HEPH: variants seen among roughly 807,000 people sequenced by gnomAD.
The protein encoded by HEPH is hephaestin.
Under a neutral mutation model 80.8 loss-of-function variants are expected in HEPH, and 69 were observed. The observed-to-expected ratio is 0.85, with a 90% CI of 0.70 to 1.04. The LOEUF is 1.04. Among genes scored for constraint, HEPH ranks in the 50% least tolerant of loss-of-function variants. The probability of loss-of-function intolerance (pLI) is 0.00; values close to 1 mark genes in which losing one functional copy is unlikely to be tolerated. For missense variants in HEPH, 1,115 were observed against 891.3 expected (o/e 1.25, Z -3.20); for synonymous variants, 431 against 322.8 (o/e 1.34, Z -3.60).
At chrX:66,197,565 G>C in intron 9 of HEPH, 118 bp from the exon 10 acceptor site, 1 of 542,330 alleles carries the variant, frequency 1.8e-6, no homozygotes, top group Non-Finnish European at 3.1e-6. Context: ...AATATTCCAT[G>C]TTGCTGCTAC....
chrX:66,164,453 T>C lies in HEPH; in HGVS notation c.-31T>C. The C allele has an allele frequency of 1.3e-6, 1 of 752,699 alleles. No individual in the cohort carries two copies. Among genetic ancestry groups the C allele is most frequent in the Non-Finnish European group, 1.6e-6 (1 of 638,472 alleles). 62.0% of individuals were successfully genotyped at this position (752,699 alleles called of 1,213,427 possible). Reference sequence around the variant, plus strand: ...ATGGGCCGCTGACATGAATATGGAGTAGTTTTCTCTAGCAAAGGTAAGCTT... The same window carrying C: ...ATGGGCCGCTGACATGAATATGGAGCAGTTTTCTCTAGCAAAGGTAAGCTT... On this transcript the variant is annotated 5_prime_UTR_variant, in exon 1 of 21. The change abolishes the stop of an existing upstream ORF in the 5' untranslated region. Transcript: ENST00000343002.
chrX:66,214,119 T>G (rs2089282198), intron 15 of HEPH, among the ~76,000 whole-genome samples: 1 of 111,838 alleles, frequency 8.9e-6, no homozygotes, highest in Non-Finnish European at 1.9e-5. Context: ...CTAGCTATCT[T>G]AATTTAATGA....
In HEPH at chrX:66,198,875, C is replaced by A. The variant is rs775842927; in HGVS notation, c.1714-3C>A. On this transcript the variant is annotated splice_polypyrimidine_tract_variant and splice_region_variant and intron_variant, in intron 10 of 20. Coordinates refer to ENST00000343002, the MANE Select transcript of HEPH (RefSeq NM_001367233.3). ...CCTCTACTTTCTTCTATTGGGCCTGCAGAAAGGGGTGGATAAAGAATTCTT... is the reference window on the plus strand; with the variant it reads ...CCTCTACTTTCTTCTATTGGGCCTGAAGAAAGGGGTGGATAAAGAATTCTT... 8.4e-7 allele frequency: 1 copy of A among 1,185,560 alleles called. No homozygotes were observed. Among genetic ancestry groups the A allele is most frequent in the East Asian group, 3.0e-5 (1 of 33,669 alleles).
At chrX:66,200,835 G>C in intron 12 of HEPH, 83 bp downstream of exon 12, 1 of 759,839 alleles carries the variant, frequency 1.3e-6, no homozygotes, top group Non-Finnish European at 1.9e-6. Context: ...GGATGGTGAA[G>C]AGAAAATAAT....
chrX:66,163,981 G>A (rs994726984), upstream of HEPH, among the ~76,000 whole-genome samples: 17 of 112,157 alleles, frequency 1.5e-4, no homozygotes, highest in Admixed American at 1.4e-3. Flanking sequence ...AGAGCAAGAA[G>A]GGGAAGAGGT....
chrX:66,251,514 G>A (rs368470838), intron 15 of HEPH, among the ~76,000 whole-genome samples: 31 of 111,534 alleles, frequency 2.8e-4, no homozygotes, highest in African/African-American at 9.1e-4. Context: ...TGAAATGTCC[G>A]TTCAATTTTT....
intron 15 of HEPH, among the ~76,000 whole-genome samples, chrX:66,210,400 A>T (rs1157763591): frequency 8.9e-6 from 1 of 111,757 alleles, no homozygotes; most frequent in Non-Finnish European, 1.9e-5. Context: ...AGGCAGAACA[A>T]TTTTAGGTAA....
intron 4 of HEPH, among the ~76,000 whole-genome samples, chrX:66,180,249 G>C (rs2087043069): frequency 9.0e-6 from 1 of 110,778 alleles, no homozygotes; most frequent in African/African-American, 3.3e-5. Flanking sequence ...GTATTTCCTG[G>C]ATTTGTTTCA....
chrX:66,241,197 G>T (rs572658346), intron 15 of HEPH, among the ~76,000 whole-genome samples: 2 of 111,972 alleles, frequency 1.8e-5, no homozygotes, highest in African/African-American at 6.5e-5. Context: ...AGCAACTATA[G>T]GATCATGCCT....
intron 5 of HEPH, 91 bp downstream of exon 5, chrX:66,188,632 A>C (rs748577991): frequency 1.5e-5 from 12 of 787,561 alleles, no homozygotes; most frequent in Admixed American, 1.2e-4. Flanking sequence ...TTTCACATAC[A>C]TAGTCCTTTT....
intron 15 of HEPH, among the ~76,000 whole-genome samples, chrX:66,226,033 A>AG (rs977053153): frequency 9.0e-6 from 1 of 111,464 alleles, no homozygotes; most frequent in Non-Finnish European, 1.9e-5. Context: ...TTGAGAAAGC[A>AG]GGGGGTATGT....
chrX:66,263,199 A>G (rs927819106), intron 19 of HEPH, among the ~76,000 whole-genome samples: 21 of 112,045 alleles, frequency 1.9e-4, no homozygotes, highest in South Asian at 3.7e-4. Flanking sequence ...AAGTATTGAG[A>G]TGATGTAAAT....
At chrX:66,178,930 G>A (rs754057036) in intron 4 of HEPH, among the ~76,000 whole-genome samples, 41 of 111,925 alleles carry the variant, frequency 3.7e-4, no homozygotes, top group African/African-American at 1.2e-3. Flanking sequence ...CTTTTGCTGT[G>A]TAGAAGCTCT....
At chrX:66,170,345 C>T (rs2086541658) in intron 1 of HEPH, 1 of 369,822 alleles carries the variant, frequency 2.7e-6, no homozygotes, top group Admixed American at 4.3e-5. Flanking sequence ...TGATTAGCAG[C>T]ACGGGTGACT....
At chrX:66,239,474 A>G (rs1264572783) in intron 15 of HEPH, among the ~76,000 whole-genome samples, 1 of 112,090 alleles carries the variant, frequency 8.9e-6, no homozygotes, top group East Asian at 2.8e-4. Context: ...TTACTTAACA[A>G]GTGTTTATAA....
At chrX:66,190,199 G>T (rs763302922) in intron 6 of HEPH, among the ~76,000 whole-genome samples, 7 of 109,821 alleles carry the variant, frequency 6.4e-5, no homozygotes, top group Non-Finnish European at 1.3e-4. Flanking sequence ...GGATGGATAA[G>T]TAGACTTTTA....
chrX:66,264,263 A>ATATATG (rs1325199372), intron 20 of HEPH, among the ~76,000 whole-genome samples: 6 of 105,974 alleles, frequency 5.7e-5, no homozygotes, highest in African/African-American at 2.0e-4. Flanking sequence ...ATATATATAT[A>ATATATG]TATGTAAAAT....
intron 9 of HEPH, among the ~76,000 whole-genome samples, chrX:66,197,121 G>T (rs1217332098): frequency 1.8e-5 from 2 of 109,474 alleles, no homozygotes; most frequent in Non-Finnish European, 3.8e-5. Context: ...ATTTGAAAAA[G>T]GTCTGTGCAT....
intron 6 of HEPH, among the ~76,000 whole-genome samples, chrX:66,191,454 G>A (rs1483598175): frequency 9.0e-6 from 1 of 111,705 alleles, no homozygotes; most frequent in Non-Finnish European, 1.9e-5. Context: ...AATCTCCCTG[G>A]GATGCTGTGG....
Sources: allele counts gnomAD v4.1 joint callset (sites outside exome capture counted in the v4.1 genomes callset), GRCh38; gene constraint gnomAD v4.1.1; transcripts MANE v1.5; gene names NCBI Gene and HGNC (gene_info 2026-07-23, HGNC 2026-07-21).